Variants in YPEL2 observed in about 807,000 individuals in gnomAD.
YPEL2 encodes the protein protein yippee-like 2.
YPEL2 carries 2 observed loss-of-function variants against 19.1 expected under a neutral mutation model. The observed-to-expected ratio is 0.10, with a 90% CI of 0.04 to 0.33. YPEL2 has a LOEUF of 0.33. Ranked by LOEUF, YPEL2 falls within the 10% of genes least tolerant of loss-of-function variation. The pLI, the probability that YPEL2 is intolerant of heterozygous loss-of-function variation, is 1.00. For synonymous variants in YPEL2, 52 were observed against 50.0 expected (o/e 1.04, Z -0.17); for missense variants, 66 against 140.7 (o/e 0.47, Z 2.68).
At chr17:59,346,767 A>G (rs1307414387) in intron 1 of YPEL2, among the ~76,000 whole-genome samples, 2 of 152,190 alleles carry the variant, frequency 1.3e-5, no homozygotes, top group Non-Finnish European at 2.9e-5. Context: ...AGGTGAGCAC[A>G]GGAGAGGCCA....
intron 2 of YPEL2, among the ~76,000 whole-genome samples, chr17:59,375,859 CCTT>C (rs1487251276): frequency 6.6e-6 from 1 of 152,170 alleles, no homozygotes; most frequent in Admixed American, 6.5e-5. Context: ...GAGCCATCCT[CCTT>C]CATCAGAGAG....
chr17:59,337,201 T>C (rs1443514589), intron 1 of YPEL2, among the ~76,000 whole-genome samples: 1 of 151,390 alleles, frequency 6.6e-6, no homozygotes, highest in East Asian at 1.9e-4. Context: ...TTGTTTTTTT[T>C]GTTTGAGACG....
chr17:59,377,022 G>A (rs1220267822), intron 2 of YPEL2, among the ~76,000 whole-genome samples: 4 of 150,122 alleles, frequency 2.7e-5, no homozygotes. Flanking sequence ...AATCCCTTCT[G>A]TAGCATGTGG....
At chr17:59,386,486 C>T (rs904191501) in intron 2 of YPEL2, among the ~76,000 whole-genome samples, 7 of 152,102 alleles carry the variant, frequency 4.6e-5, no homozygotes, top group African/African-American at 1.4e-4. Flanking sequence ...AGAGCCTCCC[C>T]ATCAGAGGGA....
chr17:59,372,612 C>G (rs2047902272), intron 2 of YPEL2, among the ~76,000 whole-genome samples: 1 of 152,182 alleles, frequency 6.6e-6, no homozygotes. Context: ...CTCTCCGCTC[C>G]CTTCAGTAAG....
chr17:59,366,991 T>C (rs931183887), intron 2 of YPEL2, among the ~76,000 whole-genome samples: 4 of 152,084 alleles, frequency 2.6e-5, no homozygotes, highest in African/African-American at 9.7e-5. Flanking sequence ...GCTGGGTAAA[T>C]ACACGAGAAA....
At chr17:59,360,427 G>A (rs570130569) in intron 2 of YPEL2, among the ~76,000 whole-genome samples, 1 of 152,340 alleles carries the variant, frequency 6.6e-6, no homozygotes, top group South Asian at 2.1e-4. Flanking sequence ...CAAGGCAGAA[G>A]TGACAAATTA....
At chr17:59,390,658 A>G (rs185323528) in intron 4 of YPEL2, among the ~76,000 whole-genome samples, 1 of 152,272 alleles carries the variant, frequency 6.6e-6, no homozygotes, top group Admixed American at 6.5e-5. Flanking sequence ...GGGCCTGGGG[A>G]AAGTGAGCAG....
rs1421885331 is a variant in YPEL2 at position 59,343,608 on chromosome 17, A to G, written c.-195-9607A>G. On this transcript the variant is annotated intron_variant, in intron 1 of 4. Transcript: ENST00000312655. ...GCAGAGAAGGGTAGGGTAAGGCATTATAGGAGCTGGAATAATGTAAGGAGC... is the reference window on the plus strand; with the variant it reads ...GCAGAGAAGGGTAGGGTAAGGCATTGTAGGAGCTGGAATAATGTAAGGAGC... 5.3e-5 allele frequency among the ~76,000 whole-genome samples: 8 copies of G among 152,260 alleles called. No individual in the cohort carries two copies. In the East Asian group the frequency reaches 1.5e-3, roughly 29 times the overall value.
In YPEL2 at chr17:59,353,787, A is replaced by T; in HGVS notation, c.117+261A>T. ...TGGCAGCTTGCAAGCCAGAGAAGGG[A>T]GGGGCTGGGGATTGATGGGAGCCTT... is the stretch of plus-strand genomic sequence containing the variant. On this transcript the variant is annotated intron_variant, in intron 2 of 4. Transcript: ENST00000312655. The surrounding 1 kb of genome is among the most constrained non-coding windows in gnomAD (Gnocchi z 4.8). 1 of 444,750 alleles carries T rather than the reference A, an allele frequency of 2.2e-6. No individual in the cohort carries two copies. The highest frequency in any genetic ancestry group is 4.3e-6 in the Non-Finnish European group (1 of 234,904). 27.6% of individuals were successfully genotyped at this position (444,750 alleles called of 1,614,324 possible).
chr17:59,396,025 G>GAGC (rs1319374185), intron 4 of YPEL2, among the ~76,000 whole-genome samples: 1 of 152,092 alleles, frequency 6.6e-6, no homozygotes, highest in Non-Finnish European at 1.5e-5. Context: ...AGCTTGTAGT[G>GAGC]AGCCGAGATT....
intron 1 of YPEL2, among the ~76,000 whole-genome samples, chr17:59,332,828 T>G (rs1007917704): frequency 1.3e-5 from 2 of 152,108 alleles, no homozygotes; most frequent in African/African-American, 4.8e-5. Context: ...TTGCTGGGGT[T>G]TTTGCTTTCT....
At chr17:59,334,378 ACT>A (rs920358678) in intron 1 of YPEL2, among the ~76,000 whole-genome samples, 1 of 120,412 alleles carries the variant, frequency 8.3e-6, no homozygotes. Flanking sequence ...CAGGCAGGTG[ACT>A]CTTTTTATTT....
chr17:59,356,484 A>G (rs930001076), intron 2 of YPEL2, among the ~76,000 whole-genome samples: 2 of 152,194 alleles, frequency 1.3e-5, no homozygotes, highest in Non-Finnish European at 2.9e-5. Flanking sequence ...CTGTATTGCC[A>G]TGGTGGTGGA....
At position 59,337,175 on chromosome 17, in the gene YPEL2, G is replaced by A. The variant is rs2047702890; in HGVS notation, c.-196+5351G>A. Among the ~76,000 whole-genome samples the A allele has an allele frequency of 2.7e-5, 4 of 150,176 alleles. No homozygotes were observed. The South Asian group carries it at 8.4e-4, about 32-fold the overall frequency. ...AATGCCCCCTTTAAGAAGTTCATGG[G>A]AGAAATTCTTTTTTTTTGTTTTTTT... On this transcript the variant is annotated intron_variant, in intron 1 of 4. Transcript: ENST00000312655.
chr17:59,366,297 A>G (rs369146342), intron 2 of YPEL2: 1 of 154,044 alleles, frequency 6.5e-6, no homozygotes, highest in Non-Finnish European at 1.5e-5. Flanking sequence ...CTTTGCCTTC[A>G]CTGAGCCTGT....
intron 2 of YPEL2, 83 bp from the exon 3 acceptor site, chr17:59,388,244 T>C: frequency 7.3e-7 from 1 of 1,361,296 alleles, no homozygotes; most frequent in Non-Finnish European, 1.1e-6. Flanking sequence ...TGGAAGGTCA[T>C]GCTTAACTGT....
chr17:59,332,665 A>T (rs2047677741), intron 1 of YPEL2, among the ~76,000 whole-genome samples: 2 of 152,092 alleles, frequency 1.3e-5, no homozygotes, highest in African/African-American at 4.8e-5. Context: ...TCTTGTCCGG[A>T]AGATTGCTAC....
At chr17:59,344,350 A>G (rs989243499) in intron 1 of YPEL2, among the ~76,000 whole-genome samples, 3 of 152,222 alleles carry the variant, frequency 2.0e-5, no homozygotes, top group African/African-American at 7.2e-5. Flanking sequence ...ACAGCCGGGG[A>G]GATTGAGGCT....
Sources: allele counts gnomAD v4.1 joint callset (sites outside exome capture counted in the v4.1 genomes callset), GRCh38; gene constraint gnomAD v4.1.1; non-coding constraint Gnocchi (gnomAD v3.1); transcripts MANE v1.5; gene names NCBI Gene and HGNC (gene_info 2026-07-23, HGNC 2026-07-21).